Variants in RANBP17 observed in about 807,000 individuals in gnomAD.
RANBP17 encodes RAN binding protein 17.
Under a neutral mutation model 141.2 loss-of-function variants are expected in RANBP17, and 158 were observed. That is an observed-to-expected ratio of 1.12 (90% confidence interval 0.98 to 1.28). The LOEUF (loss-of-function observed/expected upper bound fraction) is 1.28, where lower values mean the gene tolerates loss of function less well. RANBP17 is among the 50% of genes most tolerant of loss of function. The pLI is 0.00. For synonymous variants in RANBP17, 430 were observed against 450.0 expected (o/e 0.96, Z 0.56); for missense variants, 1,438 against 1,290.7 (o/e 1.11, Z -1.75).
At chr5:171,243,688 A>T (rs926206824) in intron 24 of RANBP17, among the ~76,000 whole-genome samples, 1 of 152,210 alleles carries the variant, frequency 6.6e-6, no homozygotes. Context: ...TAACATTATT[A>T]ACATCTTTTT....
At chr5:170,940,660 G>T (rs943136258) in intron 12 of RANBP17, among the ~76,000 whole-genome samples, 1 of 152,156 alleles carries the variant, frequency 6.6e-6, no homozygotes, top group Non-Finnish European at 1.5e-5. Context: ...ATGGAAGGCT[G>T]CAGTACACTT....
At chr5:170,921,045 G>A (rs577297891) in intron 11 of RANBP17, among the ~76,000 whole-genome samples, 13 of 152,124 alleles carry the variant, frequency 8.5e-5, no homozygotes, top group Non-Finnish European at 4.4e-5. Context: ...TAGGTTGCCT[G>A]TTCACTCTGA....
intron 14 of RANBP17, among the ~76,000 whole-genome samples, chr5:171,134,291 A>G (rs1021307077): frequency 1.2e-4 from 19 of 152,202 alleles, no homozygotes; most frequent in Non-Finnish European, 8.8e-5. Flanking sequence ...GTTTGTTCAC[A>G]TTGTTTTTCC....
intron 14 of RANBP17, among the ~76,000 whole-genome samples, chr5:171,084,083 G>C (rs995832475): frequency 6.7e-6 from 1 of 148,210 alleles, no homozygotes; most frequent in Non-Finnish European, 1.5e-5. Flanking sequence ...CTAGCATTAG[G>C]TATATCTCCC....
intron 22 of RANBP17, among the ~76,000 whole-genome samples, chr5:171,231,623 C>T (rs189421506): frequency 3.9e-5 from 6 of 152,200 alleles, no homozygotes; most frequent in South Asian, 2.1e-4. Context: ...AACAATTGTG[C>T]GTCTAGTTGA....
chr5:171,097,608 T>TTATTA (rs1786783862), intron 14 of RANBP17, among the ~76,000 whole-genome samples: 1 of 141,392 alleles, frequency 7.1e-6, no homozygotes, highest in Admixed American at 7.2e-5. Flanking sequence ...ATGTAGTCTT[T>TTATTA]TTATTATTAT....
chr5:171,088,532 C>T (rs1291025373), intron 14 of RANBP17, among the ~76,000 whole-genome samples: 1 of 152,170 alleles, frequency 6.6e-6, no homozygotes, highest in Non-Finnish European at 1.5e-5. Flanking sequence ...TGGGGAAGTT[C>T]TCCTGGATAA....
chr5:171,027,741 G>A (rs1781312228), intron 14 of RANBP17, among the ~76,000 whole-genome samples: 1 of 151,878 alleles, frequency 6.6e-6, no homozygotes, highest in Admixed American at 6.6e-5. Context: ...TTTACCTCTT[G>A]AACTGTATGT....
chr5:170,930,504 G>T (rs1294871764), intron 12 of RANBP17, among the ~76,000 whole-genome samples: 1 of 151,728 alleles, frequency 6.6e-6, no homozygotes, highest in African/African-American at 2.4e-5. Context: ...TTGGTGTGCT[G>T]CACCTGTTAA....
At chr5:171,181,378 C>T (rs1039741052) in intron 16 of RANBP17, among the ~76,000 whole-genome samples, 24 of 150,912 alleles carry the variant, frequency 1.6e-4, no homozygotes, top group Non-Finnish European at 5.9e-5. Flanking sequence ...TGAACCTGGG[C>T]GGGAAGAGGT....
intron 12 of RANBP17, among the ~76,000 whole-genome samples, chr5:170,937,574 C>T (rs1773982063): frequency 6.6e-6 from 1 of 152,168 alleles, no homozygotes; most frequent in African/African-American, 2.4e-5. Context: ...GAAAAATGTT[C>T]CATTTCATCC....
chr5:170,948,806 T>C (rs773074028), intron 12 of RANBP17, among the ~76,000 whole-genome samples: 8 of 152,086 alleles, frequency 5.3e-5, no homozygotes, highest in Non-Finnish European at 1.0e-4. Context: ...ATTTCAGAAT[T>C]TACTAGAAAA....
chr5:170,936,420 C>T lies in RANBP17; in HGVS notation c.1468+11870C>T, dbSNP rs150670914. ...TTCGGCCATCTTGGCGCCACCAAGC[C>T]GCTGTTTTATTTTTATTTTCATTTA... On this transcript the variant is annotated intron_variant, in intron 12 of 27. Transcript: ENST00000523189. 2.4e-3 allele frequency among the ~76,000 whole-genome samples: 372 copies of T among 152,126 alleles called. 2 individuals carry two copies. Among genetic ancestry groups the T allele is most frequent in the African/African-American group, 8.0e-3 (331 of 41,512 alleles).
intron 14 of RANBP17, among the ~76,000 whole-genome samples, chr5:171,096,133 A>G (rs1303989060): frequency 2.0e-5 from 3 of 152,140 alleles, no homozygotes; most frequent in Non-Finnish European, 4.4e-5. Flanking sequence ...GGCACATTTG[A>G]TGTAACTTTT....
intron 5 of RANBP17, chr5:170,897,285 A>G (rs1230023710): frequency 4.8e-6 from 3 of 631,276 alleles, no homozygotes; most frequent in Admixed American, 1.8e-5. Context: ...GATTGCTTGC[A>G]GTGTTTCTTT....
intron 14 of RANBP17, among the ~76,000 whole-genome samples, chr5:171,169,334 C>A (rs1472636143): frequency 6.6e-6 from 1 of 152,164 alleles, no homozygotes; most frequent in African/African-American, 2.4e-5. Flanking sequence ...CCTGGAATCA[C>A]ACCAGAGCAT....
At chr5:170,960,407 C>T (rs1776044562) in intron 13 of RANBP17, among the ~76,000 whole-genome samples, 1 of 152,198 alleles carries the variant, frequency 6.6e-6, no homozygotes, top group African/African-American at 2.4e-5. Context: ...AATTCAGTGA[C>T]TAAAATTAAA....
intron 22 of RANBP17, among the ~76,000 whole-genome samples, chr5:171,236,941 A>G (rs1388038557): frequency 3.3e-5 from 5 of 152,154 alleles, no homozygotes; most frequent in Non-Finnish European, 5.9e-5. Flanking sequence ...TTATCTTATT[A>G]TGTAGTTCTC....
intron 22 of RANBP17, among the ~76,000 whole-genome samples, chr5:171,226,578 C>T (rs763423972): frequency 6.6e-5 from 10 of 152,128 alleles, no homozygotes; most frequent in Non-Finnish European, 1.2e-4. Context: ...CACTGTTATT[C>T]GTCACCACCT....
Sources: allele counts gnomAD v4.1 joint callset (sites outside exome capture counted in the v4.1 genomes callset), GRCh38; gene constraint gnomAD v4.1.1; transcripts MANE v1.5; gene names NCBI Gene and HGNC (gene_info 2026-07-23, HGNC 2026-07-21).